The following PDE9A variants were observed in gnomAD, a reference collection of about 807,000 sequenced individuals.
PDE9A encodes the protein phosphodiesterase 9A, also known as high affinity cGMP-specific 3',5'-cyclic phosphodiesterase 9A.
PDE9A carries 60 observed loss-of-function variants against 87.4 expected under a neutral mutation model. The ratio of observed to expected loss-of-function variants is 0.69; its 90% CI spans 0.56 to 0.85. The LOEUF is 0.85. PDE9A is among the 40% of genes least tolerant of loss of function. PDE9A has a pLI of 0.00. For synonymous variants in PDE9A, 272 were observed against 279.4 expected, an observed-to-expected ratio of 0.97 and a Z score of 0.27; for missense variants, 665 against 779.0, an observed-to-expected ratio of 0.85 and a Z score of 1.74.
intron 7 of PDE9A, among the ~76,000 whole-genome samples, chr21:42,735,369 C>T (rs966997691): frequency 7.9e-5 from 12 of 152,236 alleles, no homozygotes; most frequent in African/African-American, 2.9e-4. Flanking sequence ...GCAGGCCCCA[C>T]GAAGGGAGGC....
At chr21:42,736,231 A>C (rs1168341519) in intron 7 of PDE9A, among the ~76,000 whole-genome samples, 2 of 152,170 alleles carry the variant, frequency 1.3e-5, no homozygotes, top group African/African-American at 4.8e-5. Context: ...AAACTCTTAC[A>C]GAGAATTATG....
chr21:42,748,719 G>T (rs772677194), intron 8 of PDE9A, among the ~76,000 whole-genome samples: 2 of 152,070 alleles, frequency 1.3e-5, no homozygotes, highest in Admixed American at 6.5e-5. Flanking sequence ...TAAAACATGC[G>T]TTGTGTAGTC....
Position 42,659,398 on chromosome 21 carries a change from C to G in PDE9A, c.69+5515C>G, listed in dbSNP as rs984566228. Among the ~76,000 whole-genome samples, 1 of 152,244 alleles carries G rather than the reference C, an allele frequency of 6.6e-6. No homozygotes were observed. The highest frequency in any genetic ancestry group is 2.4e-5 in the African/African-American group (1 of 41,472). ...GGTGGGGACATGGTGCTGAGACGGA[C>G]AGCCTCGCCTCATCCGCCTTTCCCA... On this transcript the variant is annotated intron_variant, in intron 1 of 19. Transcript: ENST00000291539. The surrounding 1 kb of genome is among the most constrained non-coding windows in gnomAD (Gnocchi z 4.1).
At chr21:42,732,044 A>G (rs369749321) in intron 5 of PDE9A, 26 bp from the exon 6 acceptor site, 2 of 1,613,866 alleles carry the variant, frequency 1.2e-6, no homozygotes, top group East Asian at 2.2e-5. Flanking sequence ...TCCGTGTTCC[A>G]TCTGTCTTTC....
At chr21:42,771,694 C>T (rs1297487601) in intron 18 of PDE9A, among the ~76,000 whole-genome samples, 1 of 152,254 alleles carries the variant, frequency 6.6e-6, no homozygotes, top group African/African-American at 2.4e-5. Flanking sequence ...AGCCATTTTC[C>T]AGGCGTAGCC....
At chr21:42,726,847 A>G (rs2051170042) in intron 4 of PDE9A, among the ~76,000 whole-genome samples, 1 of 150,790 alleles carries the variant, frequency 6.6e-6, no homozygotes, top group Admixed American at 6.6e-5. Flanking sequence ...TGGGTCAAAA[A>G]TCAGTTGGGC....
intron 14 of PDE9A, among the ~76,000 whole-genome samples, chr21:42,763,698 G>A (rs1033449526): frequency 6.6e-6 from 1 of 152,208 alleles, no homozygotes; most frequent in African/African-American, 2.4e-5. Flanking sequence ...GCAGACCTCA[G>A]CCATTCGAAG....
rs547339265 is a variant in PDE9A, at chr21:42,692,529, C to T, written c.218+4535C>T. 1.1e-4 allele frequency among the ~76,000 whole-genome samples: 16 copies of T among 152,248 alleles called. No individual in the cohort carries two copies. The South Asian group carries it at 2.9e-3, about 28-fold the overall frequency. On this transcript the variant is annotated intron_variant, in intron 3 of 19. Transcript: ENST00000291539. This position sits in a 1 kb window ranked among gnomAD's most constrained non-coding sequence, Gnocchi z 4.3. ...GTTCTCAGACAACTGCGTCAGAATC[C>T]GCAGGGGGCTTGGTGGAGCACAGAG...
At chr21:42,745,148 G>C (rs1167776630) in intron 8 of PDE9A, among the ~76,000 whole-genome samples, 1 of 152,198 alleles carries the variant, frequency 6.6e-6, no homozygotes, top group African/African-American at 2.4e-5. Flanking sequence ...CGTGGCAAGT[G>C]AAAGGGTCTC....
intron 1 of PDE9A, among the ~76,000 whole-genome samples, chr21:42,662,149 G>A (rs2057550654): frequency 6.6e-6 from 1 of 152,148 alleles, no homozygotes; most frequent in Non-Finnish European, 1.5e-5. Flanking sequence ...TATCATTTTT[G>A]TTTGTTTATT....
At chr21:42,686,695 A>G (rs1039491811) in intron 2 of PDE9A, among the ~76,000 whole-genome samples, 2 of 152,154 alleles carry the variant, frequency 1.3e-5, no homozygotes, top group African/African-American at 4.8e-5. Context: ...AGCACCTGTC[A>G]TCCCAGCTGC....
chr21:42,726,615 TA>T lies in PDE9A; in HGVS notation c.263-5154del, dbSNP rs1453954422. Among the ~76,000 whole-genome samples, 384 of 43,038 alleles carry T rather than the reference TA, an allele frequency of 8.9e-3. 13 individuals are homozygous for T. The highest frequency in any genetic ancestry group is 0.054 in the African/African-American group (304 of 5,676). 28.2% of individuals were successfully genotyped at this position (43,038 alleles called of 152,430 possible). A position where few individuals can be genotyped will look rare whatever the true frequency, so the allele number is the denominator to read the frequency against. ...GGCCATATATATATATATATATATA[TA>T]TATATATATTTTTTTTTTTTTTTTT... On this transcript the variant is annotated intron_variant, in intron 4 of 19. Transcript: ENST00000291539.
chr21:42,751,129 T>G lies in PDE9A; in HGVS notation c.667T>G (p.Cys223Gly). 6.2e-7 allele frequency: 1 copy of G among 1,610,462 alleles called. No homozygotes were observed. Among genetic ancestry groups the G allele is most frequent in the Non-Finnish European group, 8.5e-7 (1 of 1,176,624 alleles). ...CCTTCTCTCTAGGACCAACTGCCCC[T>G]GTAAGTACAGTTTTTTGGATAACCA... The part of the protein sequence containing the change: ...AARSSRTNCP[C>G]KYSFLDNHKK... The change falls in exon 9 of 20, where the codon TGT (cysteine) becomes GGT (glycine). Residue 223 changes from cysteine to glycine, a missense_variant. Coordinates refer to ENST00000291539, the MANE Select transcript of PDE9A (RefSeq NM_002606.3).
chr21:42,747,055 C>T (rs917678527), intron 8 of PDE9A, among the ~76,000 whole-genome samples: 2 of 152,236 alleles, frequency 1.3e-5, no homozygotes, highest in Non-Finnish European at 2.9e-5. Context: ...ATCCAGCCTC[C>T]TGGGCTCTGG....
chr21:42,683,000 C>T (rs1974862882), intron 1 of PDE9A, among the ~76,000 whole-genome samples: 1 of 152,170 alleles, frequency 6.6e-6, no homozygotes, highest in African/African-American at 2.4e-5. Context: ...TTAAGAATTA[C>T]TCATTTCAGT....
chr21:42,708,495 TG>T (rs2049023735), intron 4 of PDE9A, among the ~76,000 whole-genome samples: 1 of 152,198 alleles, frequency 6.6e-6, no homozygotes, highest in Non-Finnish European at 1.5e-5. Context: ...TGCTGTGTCC[TG>T]CCTGACTGCA....
intron 4 of PDE9A, among the ~76,000 whole-genome samples, chr21:42,708,273 G>T (rs1262362628): frequency 6.6e-6 from 1 of 152,178 alleles, no homozygotes; most frequent in Non-Finnish European, 1.5e-5. Flanking sequence ...AACAAAGACA[G>T]CAGCAGCCCT....
At chr21:42,721,419 T>C (rs560344435) in intron 4 of PDE9A, among the ~76,000 whole-genome samples, 11 of 152,372 alleles carry the variant, frequency 7.2e-5, no homozygotes, top group African/African-American at 2.2e-4. Context: ...ACGCCAGTGA[T>C]CTGGGATAGT....
At chr21:42,717,307 T>G (rs1371654785) in intron 4 of PDE9A, among the ~76,000 whole-genome samples, 1 of 141,166 alleles carries the variant, frequency 7.1e-6, no homozygotes, top group African/African-American at 2.6e-5. Context: ...TTTTTTTTTT[T>G]TTTTTTTTTG....
Sources: gnomAD v4.1 joint callset for allele counts (sites outside exome capture counted in the v4.1 genomes callset) on GRCh38, gnomAD v4.1.1 for gene constraint, Gnocchi (gnomAD v3.1) non-coding constraint, MANE v1.5 for transcripts, NCBI Gene and HGNC (gene_info 2026-07-23, HGNC 2026-07-21) for gene names.